CYP4F2: variants seen among roughly 807,000 people sequenced by gnomAD.
CYP4F2 encodes the protein cytochrome P450 family 4 subfamily F member 2.
Under a neutral mutation model 58.9 loss-of-function variants are expected in CYP4F2, and 58 were observed. That is an observed-to-expected ratio of 0.98 (90% CI 0.80 to 1.23). The LOEUF is 1.23. Ranked by LOEUF, CYP4F2 falls within the 50% of genes most tolerant of loss-of-function variation. The pLI is 0.00. For missense variants in CYP4F2, 616 were observed against 685.6 expected, an observed-to-expected ratio of 0.90 and a Z score of 1.13; for synonymous variants, 287 against 261.1, an observed-to-expected ratio of 1.10 and a Z score of -0.95.
chr19:15,879,822 G>T lies in CYP4F2; in HGVS notation c.1191C>A (p.Val397=), dbSNP rs369127473. Residue 397 remains valine, a synonymous_variant, in exon 10 of 13, where the codon GTC becomes GTA. Transcript: ENST00000221700. The part of the protein sequence containing the change: ...ESLRLHPPVP[V]ISRHVTQDIV... Reference sequence around the variant, plus strand: ...TGTCCTGGGTGACATGGCGGGAGATGACCGGGACTGGGGGATGCAGCCGCA... The same window carrying T: ...TGTCCTGGGTGACATGGCGGGAGATTACCGGGACTGGGGGATGCAGCCGCA... 2.9e-5 allele frequency: 46 copies of T among 1,614,012 alleles called. No homozygotes were observed. The highest frequency in any genetic ancestry group is 4.0e-5 in the African/African-American group (3 of 74,904).
At chr19:15,890,459 G>A (rs2089410030) in intron 5 of CYP4F2, 26 bp from the exon 6 acceptor site, 17 of 1,613,162 alleles carry the variant, frequency 1.1e-5, no homozygotes, top group Non-Finnish European at 1.4e-5. Flanking sequence ...GACAGAGCTG[G>A]GGCAGGCTCC....
chr19:15,894,161 C>T (rs1484596329), intron 3 of CYP4F2, among the ~76,000 whole-genome samples: 1 of 152,178 alleles, frequency 6.6e-6, no homozygotes, highest in African/African-American at 2.4e-5. Flanking sequence ...AGGCTCTGAA[C>T]AATAAAGTCA....
intron 5 of CYP4F2, among the ~76,000 whole-genome samples, chr19:15,891,669 GAAGCT>G (rs1568473004): frequency 2.6e-5 from 4 of 152,134 alleles, no homozygotes; most frequent in Admixed American, 2.6e-4. Flanking sequence ...AATAACTAAC[GAAGCT>G]AAGCCTTGTC....
rs369704945 is a variant in CYP4F2, at chr19:15,887,574, G to A, written c.919-1266C>T. On this transcript the variant is annotated intron_variant, in intron 7 of 12. Coordinates refer to ENST00000221700, the MANE Select transcript of CYP4F2 (RefSeq NM_001082.5). Reference sequence around the variant, plus strand: ...TAGAAACACAGACACACAAATACACGTAAACCTAGACATAGACACAGATAT... The same window carrying A: ...TAGAAACACAGACACACAAATACACATAAACCTAGACATAGACACAGATAT... Among the ~76,000 whole-genome samples the A allele has an allele frequency of 1.6e-3, 189 of 116,996 alleles. 2 individuals carry two copies. In the South Asian group the frequency reaches 0.024, roughly 15 times the overall value. The allele number at this position is 116,996 out of a possible 152,430, so 76.8% of individuals were successfully genotyped here.
chr19:15,888,970 A>T (rs995975439), intron 7 of CYP4F2, among the ~76,000 whole-genome samples: 2 of 152,246 alleles, frequency 1.3e-5, no homozygotes, highest in Admixed American at 1.3e-4. Context: ...AGACATAGAA[A>T]AGACAGGACA....
chr19:15,878,376 A>G lies in CYP4F2; in HGVS notation c.*395T>C. The G allele has an allele frequency of 5.8e-6, 1 of 172,160 alleles. No individual in the cohort carries two copies. The highest frequency in any genetic ancestry group is 1.2e-5 in the Non-Finnish European group (1 of 81,070). The allele number at this position is 172,160 out of a possible 1,614,324, so 10.7% of individuals were successfully genotyped here. A position where few individuals can be genotyped will look rare whatever the true frequency, so the allele number is the denominator to read the frequency against. On this transcript the variant is annotated 3_prime_UTR_variant, in exon 13 of 13. Transcript: ENST00000221700. The stretch of plus-strand genomic sequence containing the variant: ...GATTGGCCTGTTCTGGAAATTTCGT[A>G]TAAAAGGACAGTACACTATGTGACC...
In CYP4F2 at chr19:15,897,583, C is replaced by T; in HGVS notation, c.29G>A (p.Gly10Asp). ...AGGGGATGCTGCCACTGGCCAGAGG[C>T]CCAGCCAGGACAGGCTCAGCTGGGA... MSQLSLSWL[G>D]LWPVAASPWL... Residue 10 changes from glycine (G) to aspartate (D), a missense_variant, in exon 2 of 13, where the codon GGC becomes GAC. Coordinates refer to ENST00000221700, the MANE Select transcript of CYP4F2 (RefSeq NM_001082.5). 6.2e-7 allele frequency: 1 copy of T among 1,613,856 alleles called. No individual in the cohort carries two copies. Among genetic ancestry groups the T allele is most frequent in the Non-Finnish European group, 8.5e-7 (1 of 1,179,906 alleles).
Position 15,897,438 on chromosome 19 carries a change from G to A in CYP4F2, c.174C>T (p.Asn58=), listed in dbSNP as rs758896400. ...CCATGCCCTGGTGTCCCCAAAACCA[G>A]TTCCGTCTTGGGGGTTGTGGGAAAC... The part of the protein sequence containing the change: ...LRCFPQPPRR[N]WFWGHQGMVN... The change falls in exon 2 of 13, where the codon AAC becomes AAT. Residue 58 remains asparagine (N), a synonymous_variant. Transcript: ENST00000221700. The A allele has an allele frequency of 9.3e-6, 15 of 1,612,610 alleles. No homozygotes were observed. The highest frequency in any genetic ancestry group is 1.3e-5 in the Non-Finnish European group (15 of 1,179,306).
chr19:15,878,977 C>T (rs2089324935), intron 12 of CYP4F2, 41 bp from the exon 13 acceptor site: 6 of 1,602,276 alleles, frequency 3.7e-6, no homozygotes, highest in Non-Finnish European at 5.1e-6. Flanking sequence ...ACCCAGGAGC[C>T]CCATCCTGGC....
At position 15,878,834 on chromosome 19, in the gene CYP4F2, C is replaced by G; in HGVS notation, c.1500G>C (p.Arg500Ser). 1 of 1,614,044 alleles carries G rather than the reference C, an allele frequency of 6.2e-7. No individual in the cohort carries two copies. The change falls in exon 13 of 13, where the codon AGG (arginine) becomes AGC (serine). Residue 500 changes from arginine (R) to serine (S), a missense_variant. Coordinates refer to ENST00000221700, the MANE Select transcript of CYP4F2 (RefSeq NM_001082.5). ...RVLPDHTEPR[R>S]KPELVLRAEG... ...CTGCGCGCAGGACCAGCTCCGGCTT[C>G]CTGCGGGGCTCGGTGTGGTCAGGCA...
chr19:15,895,771 C>T (rs1164811733), intron 2 of CYP4F2, 121 bp from the exon 3 acceptor site: 17 of 1,251,740 alleles, frequency 1.4e-5, no homozygotes, highest in Non-Finnish European at 1.8e-5. Flanking sequence ...CTAATCTATT[C>T]ATCCTATCTA....
intron 1 of CYP4F2, 117 bp from the exon 2 acceptor site, chr19:15,897,729 C>A (rs2089457260): frequency 1.6e-6 from 2 of 1,280,664 alleles, no homozygotes. Flanking sequence ...AGGGAGGGCT[C>A]AGGGATGGGT....
At chr19:15,881,487 A>C (rs1364582406) in intron 9 of CYP4F2, among the ~76,000 whole-genome samples, 1 of 152,210 alleles carries the variant, frequency 6.6e-6, no homozygotes, top group Non-Finnish European at 1.5e-5. Flanking sequence ...AGACAGATAC[A>C]TACATAGATG....
Position 15,892,535 on chromosome 19 carries a change from A to T in CYP4F2, c.391T>A (p.Trp131Arg). 6.2e-7 allele frequency: 1 copy of T among 1,614,134 alleles called. No individual in the cohort carries two copies. Residue 131 changes from tryptophan (W) to arginine (R), a missense_variant, in exon 4 of 13, where the codon TGG (tryptophan) becomes AGG (arginine). By Grantham distance (101) the Trp-to-Arg change is moderately radical. Coordinates refer to ENST00000221700, the MANE Select transcript of CYP4F2 (RefSeq NM_001082.5). ...DKFFYSFLEP[W>R]LGDGLLLSAG... ...TTCACCTGCAGATACTCACCCAGCC[A>T]GGGCTCCAGGAAGCTGTAGAAGAAC...
Position 15,885,941 on chromosome 19 carries a change from C to T in CYP4F2, c.1098G>A (p.Glu366=). Residue 366 remains glutamate, a synonymous_variant, in exon 9 of 13, where the codon GAG becomes GAA. Coordinates refer to ENST00000221700, the MANE Select transcript of CYP4F2 (RefSeq NM_001082.5). ...QEVQELLKDR[E]PKEIEWDDLA... Reference sequence around the variant, plus strand: ...GCACTCACCATTCAATCTCTTTAGGCTCACGGTCCTTCAGAAGTTCTTGCA... The same window carrying T: ...GCACTCACCATTCAATCTCTTTAGGTTCACGGTCCTTCAGAAGTTCTTGCA... 7 of 1,613,868 alleles carry T rather than the reference C, an allele frequency of 4.3e-6. No individual in the cohort carries two copies. Among genetic ancestry groups the T allele is most frequent in the Non-Finnish European group, 5.9e-6 (7 of 1,179,860 alleles).
In CYP4F2 at chr19:15,878,901, A is replaced by C. The variant is rs1274777812; in HGVS notation, c.1433T>G (p.Met478Arg). The change falls in exon 13 of 13, where the codon ATG becomes AGG. Residue 478 changes from methionine (M) to arginine (R), a missense_variant. Coordinates refer to ENST00000221700, the MANE Select transcript of CYP4F2 (RefSeq NM_001082.5). ...CIGQTFAMAE[M>R]KVVLALTLLR... ...CAGCGTGAGCGCCAGGACCACCTTC[A>C]TCTCCGCCATCGCGAACGTCTGCCC... The C allele has an allele frequency of 1.2e-6, 2 of 1,613,978 alleles. No homozygotes were observed. Among genetic ancestry groups the C allele is most frequent in the Non-Finnish European group, 8.5e-7 (1 of 1,179,962 alleles).
intron 9 of CYP4F2, among the ~76,000 whole-genome samples, chr19:15,881,790 C>T (rs2089347478): frequency 6.6e-6 from 1 of 150,888 alleles, no homozygotes; most frequent in Non-Finnish European, 1.5e-5. Flanking sequence ...CAATGGAATA[C>T]CATTCAGCCT....
At chr19:15,890,266 CT>C (rs1451725002) in intron 6 of CYP4F2, 45 bp downstream of exon 6, 29 of 1,613,156 alleles carry the variant, frequency 1.8e-5, no homozygotes, top group Non-Finnish European at 2.5e-5. Context: ...CACCTACCCA[CT>C]TTGGGTCCAC....
intron 2 of CYP4F2, 151 bp from the exon 3 acceptor site, chr19:15,895,801 T>C (rs3093112): frequency 0.15 from 137,865 of 924,718 alleles, 11,333 homozygotes; most frequent in Middle Eastern, 0.19. Flanking sequence ...TCTATCTATA[T>C]ATCTATCTGC....
Sources: allele counts gnomAD v4.1 joint callset (sites outside exome capture counted in the v4.1 genomes callset), GRCh38; gene constraint gnomAD v4.1.1; transcripts MANE v1.5; gene names NCBI Gene and HGNC (gene_info 2026-07-23, HGNC 2026-07-21).